DOCK3: variants seen among roughly 807,000 people sequenced by gnomAD.
DOCK3 encodes dedicator of cytokinesis 3.
DOCK3 carries 60 observed loss-of-function variants against 265.6 expected under a neutral mutation model. The ratio of observed to expected loss-of-function variants is 0.23; its 90% confidence interval spans 0.18 to 0.28. DOCK3 has a LOEUF of 0.28. Ranked by LOEUF, DOCK3 falls within the 10% of genes least tolerant of loss-of-function variation. The pLI, the probability that DOCK3 is intolerant of heterozygous loss-of-function variation, is 1.00. For synonymous variants in DOCK3, 881 were observed against 938.0 expected, an observed-to-expected ratio of 0.94 and a Z score of 1.11; for missense variants, 1,981 against 2,594.3, an observed-to-expected ratio of 0.76 and a Z score of 5.14.
chr3:50,838,507 G>C (rs1318748739), intron 2 of DOCK3, among the ~76,000 whole-genome samples: 1 of 152,152 alleles, frequency 6.6e-6, no homozygotes, highest in African/African-American at 2.4e-5. Context: ...AAATGCATAT[G>C]ATGACATTGA....
chr3:51,244,573 G>GT (rs2078743270), intron 21 of DOCK3, among the ~76,000 whole-genome samples: 1 of 151,976 alleles, frequency 6.6e-6, no homozygotes, highest in Non-Finnish European at 1.5e-5. Context: ...GTTCTAACAG[G>GT]TTTTTTTGGG....
At chr3:50,913,088 C>T (rs969228830) in intron 4 of DOCK3, among the ~76,000 whole-genome samples, 1 of 152,136 alleles carries the variant, frequency 6.6e-6, no homozygotes, top group Admixed American at 6.5e-5. Context: ...GTCTCAGATT[C>T]TCACCCAAGG....
chr3:50,888,461 A>G (rs1005630150), intron 3 of DOCK3, among the ~76,000 whole-genome samples: 6 of 152,188 alleles, frequency 3.9e-5, no homozygotes, highest in African/African-American at 1.2e-4. Context: ...ATTCAATGCC[A>G]TCCTCATCAA....
intron 9 of DOCK3, among the ~76,000 whole-genome samples, chr3:51,109,374 G>T (rs1192000520): frequency 3.3e-5 from 5 of 152,136 alleles, no homozygotes; most frequent in Non-Finnish European, 7.3e-5. Context: ...AGCTAAGACA[G>T]TGTTAAGAGG....
At chr3:50,729,025 GTTTTTCTTT>G (rs1282726097) in intron 1 of DOCK3, among the ~76,000 whole-genome samples, 10 of 135,504 alleles carry the variant, frequency 7.4e-5, no homozygotes, top group Admixed American at 7.2e-4. Flanking sequence ...TGCCTGGCCT[GTTTTTCTTT>G]TTTTGGCCAG....
chr3:50,782,285 T>C (rs1051458320), intron 2 of DOCK3, among the ~76,000 whole-genome samples: 6 of 79,160 alleles, frequency 7.6e-5, no homozygotes, highest in African/African-American at 2.5e-4. Context: ...CACCAGTACC[T>C]GTTATTTTTT....
intron 4 of DOCK3, chr3:50,893,195 C>A (rs574045449): frequency 1.7e-5 from 4 of 234,552 alleles, no homozygotes; most frequent in African/African-American, 4.7e-5. Context: ...AGCAAAGCTG[C>A]AAGGAAGATG....
At chr3:50,716,046 G>A (rs1330999006) in intron 1 of DOCK3, among the ~76,000 whole-genome samples, 1 of 151,762 alleles carries the variant, frequency 6.6e-6, no homozygotes, top group East Asian at 1.9e-4. Context: ...ATCAGATTTT[G>A]TGTATTATAC....
intron 2 of DOCK3, among the ~76,000 whole-genome samples, chr3:50,816,692 A>G (rs2044098703): frequency 6.6e-6 from 1 of 151,342 alleles, no homozygotes; most frequent in Non-Finnish European, 1.5e-5. Flanking sequence ...ATTTTTTTCT[A>G]ATCTTTTCTA....
chr3:51,326,941 C>G (rs2084168593), intron 32 of DOCK3, among the ~76,000 whole-genome samples: 1 of 152,036 alleles, frequency 6.6e-6, no homozygotes, highest in African/African-American at 2.4e-5. Flanking sequence ...TTTAGCAACT[C>G]AGGTTCATTC....
At chr3:51,245,526 G>A (rs1008318350) in intron 21 of DOCK3, among the ~76,000 whole-genome samples, 2 of 151,706 alleles carry the variant, frequency 1.3e-5, no homozygotes, top group Non-Finnish European at 2.9e-5. Context: ...AAGTAGCCGG[G>A]ATTATAGGCG....
intron 21 of DOCK3, among the ~76,000 whole-genome samples, chr3:51,239,313 G>A (rs1284580039): frequency 6.6e-6 from 1 of 151,806 alleles, no homozygotes; most frequent in Non-Finnish European, 1.5e-5. Flanking sequence ...GGGTTCAAGC[G>A]ATCCTTCTGC....
chr3:50,738,108 G>A (rs569896472), intron 1 of DOCK3, among the ~76,000 whole-genome samples: 1 of 152,276 alleles, frequency 6.6e-6, no homozygotes, highest in African/African-American at 2.4e-5. Flanking sequence ...GGTTCTGCAG[G>A]CAGGCTTGAT....
At chr3:51,182,469 C>T (rs2087356187) in intron 12 of DOCK3, among the ~76,000 whole-genome samples, 1 of 152,148 alleles carries the variant, frequency 6.6e-6, no homozygotes. Flanking sequence ...TGTATTTATT[C>T]CTTGCTCTCC....
At chr3:51,271,474 G>GGTC (rs1312132911) in intron 24 of DOCK3, among the ~76,000 whole-genome samples, 1 of 151,992 alleles carries the variant, frequency 6.6e-6, no homozygotes, top group Non-Finnish European at 1.5e-5. Flanking sequence ...TTTTTTAAAA[G>GGTC]GTCGCTAATC....
At chr3:50,970,440 G>T (rs1450485550) in intron 5 of DOCK3, among the ~76,000 whole-genome samples, 2 of 151,778 alleles carry the variant, frequency 1.3e-5, no homozygotes, top group African/African-American at 4.8e-5. Flanking sequence ...ACATAGGTTT[G>T]GATATATTAC....
chr3:51,375,644 C>G, intron 50 of DOCK3, 104 bp from the exon 51 acceptor site: 2 of 1,311,462 alleles, frequency 1.5e-6, no homozygotes, highest in South Asian at 1.2e-5. Flanking sequence ...CTTTGTTTTC[C>G]CCGTCTGATC....
chr3:50,927,514 C>T (rs1020485733), intron 4 of DOCK3, among the ~76,000 whole-genome samples: 2 of 152,118 alleles, frequency 1.3e-5, no homozygotes, highest in African/African-American at 4.8e-5. Context: ...GTGCTTATAT[C>T]AGAATATTAC....
chr3:50,877,136 CA>C (rs758463884), intron 3 of DOCK3: 2 of 276,156 alleles, frequency 7.2e-6, no homozygotes, highest in Non-Finnish European at 1.4e-5. Context: ...GGAAAATTAC[CA>C]GGCATTCCCC....
Sources: allele counts gnomAD v4.1 joint callset (sites outside exome capture counted in the v4.1 genomes callset), GRCh38; gene constraint gnomAD v4.1.1; transcripts MANE v1.5; gene names NCBI Gene and HGNC (gene_info 2026-07-23, HGNC 2026-07-21).